Variants in C1QTNF5 observed in about 807,000 individuals in gnomAD.
C1QTNF5 encodes the protein C1q and TNF related 5.
C1QTNF5 carries 5 observed loss-of-function variants against 10.9 expected under a neutral mutation model. The observed-to-expected ratio is 0.46, with a 90% CI of 0.24 to 0.97. The LOEUF is 0.97. Ranked by LOEUF, C1QTNF5 falls within the 50% of genes least tolerant of loss-of-function variation. The pLI, the probability that C1QTNF5 is intolerant of heterozygous loss-of-function variation, is 0.19. For missense variants in C1QTNF5, 281 were observed against 339.4 expected (o/e 0.83, Z 1.35); for synonymous variants, 161 against 156.5 (o/e 1.03, Z -0.22).
At chr11:119,343,930 T>C (rs773410101), upstream of C1QTNF5, 7 of 1,613,236 alleles carry the variant, frequency 4.3e-6, no homozygotes, top group East Asian at 1.6e-4. Context: ...TTCTATGCTG[T>C]GTCCGGCAGG....
chr11:119,346,031 T>TC, the C1QTNF5 span: 1 of 1,612,120 alleles, frequency 6.2e-7, no homozygotes, highest in Non-Finnish European at 8.5e-7. Context: ...TTTCAAGCTG[T>TC]CCCCGGGTAC....
chr11:119,341,394 G>T, upstream of C1QTNF5: 1 of 651,036 alleles, frequency 1.5e-6, no homozygotes, highest in Non-Finnish European at 2.6e-6. Context: ...AGGGTCCCAT[G>T]AGCCCCAGCT....
chr11:119,339,620 G>A lies in C1QTNF5; in HGVS notation c.443C>T (p.Pro148Leu). 1 of 1,613,104 alleles carries A rather than the reference G, an allele frequency of 6.2e-7. No individual in the cohort carries two copies. Among genetic ancestry groups the A allele is most frequent in the Non-Finnish European group, 8.5e-7 (1 of 1,180,032 alleles). ...ATGGACGGCGAAGTAGTAGACCCCA[G>A]GCACCTGGCAGGTGAACTTGCCGGT... ...AVTGKFTCQV[P>L]GVYYFAVHAT... Residue 148 changes from proline to leucine, a missense_variant, in exon 3 of 3, where the codon CCT becomes CTT. Coordinates refer to ENST00000528368, the MANE Select transcript of C1QTNF5 (RefSeq NM_001278431.2). This position sits in a 1 kb window ranked among gnomAD's most constrained non-coding sequence, Gnocchi z 5.4.
chr11:119,342,645 G>T, upstream of C1QTNF5: 1 of 1,613,674 alleles, frequency 6.2e-7, no homozygotes, highest in Non-Finnish European at 8.5e-7. Flanking sequence ...TGCCATCGGT[G>T]CAGTCTCTCC....
rs1196633355 is a variant in C1QTNF5 at position 119,340,289 on chromosome 11, T to A, written c.109A>T (p.Thr37Ser). ...CCCTGGCTGCCATGGTGGCCCGGCG[T>A]GCCTGGAAGGCCGGGGTGCCCCGGG... ...LCPGHPGLPG[T>S]PGHHGSQGLP... The change falls in exon 2 of 3, where the codon ACG becomes TCG. Residue 37 changes from threonine to serine, a missense_variant. By Grantham distance (58) the Thr-to-Ser change is moderately conservative. Transcript: ENST00000528368. The A allele has an allele frequency of 2.0e-6, 3 of 1,531,982 alleles. No individual in the cohort carries two copies. The highest frequency in any genetic ancestry group is 2.6e-6 in the Non-Finnish European group (3 of 1,141,048). The allele number at this position is 1,531,982 out of a possible 1,614,324, so 94.9% of individuals were successfully genotyped here.
In C1QTNF5 at chr11:119,339,223, C is replaced by T. The variant is rs1950470134; in HGVS notation, c.*108G>A. On this transcript the variant is annotated 3_prime_UTR_variant, in exon 3 of 3. Transcript: ENST00000528368. This position sits in a 1 kb window ranked among gnomAD's most constrained non-coding sequence, Gnocchi z 5.4. Reference sequence around the variant, plus strand: ...ACGGAGAGTGCTCTACCCCACCTCCCTAGTCATTCACAATATTCCAGGGGG... The same window carrying T: ...ACGGAGAGTGCTCTACCCCACCTCCTTAGTCATTCACAATATTCCAGGGGG... 2.3e-6 allele frequency: 3 copies of T among 1,285,446 alleles called. No homozygotes were observed. Among genetic ancestry groups the T allele is most frequent in the Non-Finnish European group, 3.2e-6 (3 of 926,446 alleles). The allele number at this position is 1,285,446 out of a possible 1,614,324, so 79.6% of individuals were successfully genotyped here. A position where few individuals can be genotyped will look rare whatever the true frequency, so the allele number is the denominator to read the frequency against.
chr11:119,344,017 C>A, upstream of C1QTNF5: 1 of 1,605,876 alleles, frequency 6.2e-7, no homozygotes, highest in South Asian at 1.1e-5. Flanking sequence ...TGTCTCATCC[C>A]GGGCACCCAG....
chr11:119,344,806 T>G, upstream of C1QTNF5: 1 of 1,613,662 alleles, frequency 6.2e-7, no homozygotes, highest in African/African-American at 1.3e-5. Context: ...TCCACCCCTT[T>G]GACAGGACTG....
chr11:119,346,027 GCT>G, the C1QTNF5 span: 2 of 1,612,456 alleles, frequency 1.2e-6, no homozygotes. Context: ...CTCGTTTCAA[GCT>G]GTCCCCGGGT....
chr11:119,340,638 G>C, intron 1 of C1QTNF5, 57 bp downstream of exon 1: 1 of 545,470 alleles, frequency 1.8e-6, no homozygotes, highest in Non-Finnish European at 3.2e-6. Flanking sequence ...GCCGGCCCGC[G>C]CCAGCCTTTC....
At position 119,340,284 on chromosome 11, in the gene C1QTNF5, C is replaced by T. The variant is rs573145967; in HGVS notation, c.114G>A (p.Pro38=). Residue 38 remains proline (P), a synonymous_variant, in exon 2 of 3, where the codon CCG becomes CCA. Transcript: ENST00000528368. Reference sequence around the variant, plus strand: ...GCAAGCCCTGGCTGCCATGGTGGCCCGGCGTGCCTGGAAGGCCGGGGTGCC... The same window carrying T: ...GCAAGCCCTGGCTGCCATGGTGGCCTGGCGTGCCTGGAAGGCCGGGGTGCC... ...CPGHPGLPGT[P]GHHGSQGLPG... 5.9e-6 allele frequency: 9 copies of T among 1,530,974 alleles called. No homozygotes were observed. The East Asian group carries it at 2.3e-4, about 40-fold the overall frequency. The allele number at this position is 1,530,974 out of a possible 1,614,324, so 94.8% of individuals were successfully genotyped here. A position where few individuals can be genotyped will look rare whatever the true frequency, so the allele number is the denominator to read the frequency against.
upstream of C1QTNF5, chr11:119,345,045 C>T (rs1481427191): frequency 6.3e-7 from 1 of 1,584,664 alleles, no homozygotes; most frequent in Admixed American, 1.9e-5. Context: ...GCTCCAAGAG[C>T]AGGGTCAGCC....
chr11:119,345,268 C>T (rs1022347496), upstream of C1QTNF5: 21 of 836,916 alleles, frequency 2.5e-5, no homozygotes, highest in East Asian at 1.8e-4. Flanking sequence ...ATCTTCCTCA[C>T]GGCACACAGC....
chr11:119,340,408 C>T lies in C1QTNF5; in HGVS notation c.-11G>A. 2 of 1,543,064 alleles carry T rather than the reference C, an allele frequency of 1.3e-6. No homozygotes were observed. The highest frequency in any genetic ancestry group is 1.2e-5 in the South Asian group (1 of 83,774). ...GAGGAGTGGCCTCATAGCGCTGGCACCGGGAGCCCGGACGCCGGGGTCCTC... is the reference window on the plus strand; with the variant it reads ...GAGGAGTGGCCTCATAGCGCTGGCATCGGGAGCCCGGACGCCGGGGTCCTC... On this transcript the variant is annotated 5_prime_UTR_variant, in exon 2 of 3. It adds an upstream start codon to the 5' untranslated region. Transcript: ENST00000528368.
chr11:119,341,946 C>T (rs942252372), upstream of C1QTNF5: 4 of 1,613,796 alleles, frequency 2.5e-6, no homozygotes, highest in East Asian at 2.2e-5. Flanking sequence ...TAGCTCAGAC[C>T]GAGGCACATC....
Position 119,339,778 on chromosome 11 carries a change from G to A in C1QTNF5, c.285C>T (p.Ala95=). The A allele has an allele frequency of 6.5e-7, 1 of 1,542,298 alleles. No homozygotes were observed. Among genetic ancestry groups the A allele is most frequent in the Non-Finnish European group, 8.7e-7 (1 of 1,150,852 alleles). ...EAGPAGPTGP[A]GECSVPPRSA... Reference sequence around the variant, plus strand: ...ATCGCGGAGGCACCGAGCACTCCCCGGCAGGCCCGGTGGGCCCCGCGGGTC... The same window carrying A: ...ATCGCGGAGGCACCGAGCACTCCCCAGCAGGCCCGGTGGGCCCCGCGGGTC... The change falls in exon 3 of 3, where the codon GCC becomes GCT. Residue 95 remains alanine (A), a synonymous_variant. Transcript: ENST00000528368. This position sits in a 1 kb window ranked among gnomAD's most constrained non-coding sequence, Gnocchi z 5.4.
At position 119,340,309 on chromosome 11, in the gene C1QTNF5, C is replaced by G; in HGVS notation, c.89G>C (p.Gly30Ala). 1 of 1,539,196 alleles carries G rather than the reference C, an allele frequency of 6.5e-7. No homozygotes were observed. The highest frequency in any genetic ancestry group is 8.7e-7 in the Non-Finnish European group (1 of 1,143,662). Residue 30 changes from glycine (G) to alanine (A), a missense_variant, in exon 2 of 3, where the codon GGG becomes GCG. Gly to Ala is a moderately conservative substitution (Grantham distance 60). Transcript: ENST00000528368. ...DDNKIPSLCPGHPGLPGTPGH... is the reference protein window; with the variant it reads ...DDNKIPSLCPAHPGLPGTPGH... ...CGGCGTGCCTGGAAGGCCGGGGTGC[C>G]CCGGGCAGAGGCTGGGGATCTTGTT... is the stretch of plus-strand genomic sequence containing the variant.
chr11:119,341,397 C>T (rs893988593), upstream of C1QTNF5: 1 of 659,468 alleles, frequency 1.5e-6, no homozygotes, highest in Admixed American at 2.8e-5. Flanking sequence ...GTCCCATGAG[C>T]CCCAGCTGAG....
the C1QTNF5 span, chr11:119,346,407 A>G: frequency 4.2e-5 from 68 of 1,613,348 alleles, no homozygotes; most frequent in Non-Finnish European, 3.4e-6. Context: ...GGCTGAGGGC[A>G]GCAGTGACCA....
Sources: gnomAD v4.1 joint callset for allele counts on GRCh38, gnomAD v4.1.1 for gene constraint, Gnocchi (gnomAD v3.1) non-coding constraint, MANE v1.5 for transcripts, NCBI Gene and HGNC (gene_info 2026-07-23, HGNC 2026-07-21) for gene names.